TUBD1: variants seen among roughly 807,000 people sequenced by gnomAD.
The protein encoded by TUBD1 is tubulin delta 1.
A neutral mutation model predicts 51.2 loss-of-function variants in TUBD1; 38 were observed. The ratio of observed to expected loss-of-function variants is 0.74; its 90% CI spans 0.57 to 0.97. The LOEUF is 0.97. TUBD1 is among the 50% of genes least tolerant of loss of function. TUBD1 has a pLI of 0.00. For synonymous variants in TUBD1, 169 were observed against 178.2 expected (o/e 0.95, Z 0.41); for missense variants, 489 against 538.4 (o/e 0.91, Z 0.91).
intron 2 of TUBD1, among the ~76,000 whole-genome samples, chr17:59,889,139 G>A (rs575360295): frequency 3.6e-5 from 5 of 139,732 alleles, no homozygotes; most frequent in Non-Finnish European, 7.6e-5. Flanking sequence ...TCACCCTCCC[G>A]AATAACTGGG....
At chr17:59,886,334 A>G in intron 2 of TUBD1, 104 bp from the exon 3 acceptor site, 1 of 1,275,132 alleles carries the variant, frequency 7.8e-7, no homozygotes, top group South Asian at 1.6e-5. Context: ...AAAAAAAAAA[A>G]AAAATTCCAG....
At chr17:59,888,457 A>G (rs1038467991) in intron 2 of TUBD1, among the ~76,000 whole-genome samples, 6 of 152,208 alleles carry the variant, frequency 3.9e-5, no homozygotes, top group Admixed American at 6.6e-5. Context: ...CAAGAGCACA[A>G]GGAACAATAA....
chr17:59,883,242 C>A lies in TUBD1; in HGVS notation c.321-2132G>T, dbSNP rs185233651. 4.3e-3 allele frequency among the ~76,000 whole-genome samples: 650 copies of A among 151,590 alleles called. 6 individuals carry two copies. The highest frequency in any genetic ancestry group is 0.015 in the African/African-American group (622 of 41,342). On this transcript the variant is annotated intron_variant, in intron 3 of 8. Coordinates refer to ENST00000325752, the MANE Select transcript of TUBD1 (RefSeq NM_016261.4). ...TCCCAAGGAGCTAAGGCCACAGGCACAGGCCACCACACCCATCTAATTTTT... is the reference window on the plus strand; with the variant it reads ...TCCCAAGGAGCTAAGGCCACAGGCAAAGGCCACCACACCCATCTAATTTTT...
rs1251340232 is a variant in TUBD1 at position 59,859,896 on chromosome 17, A to C, written c.*426T>G. The C allele has an allele frequency of 6.6e-6, 1 of 152,228 alleles. No homozygotes were observed. Among genetic ancestry groups the C allele is most frequent in the Non-Finnish European group, 1.5e-5 (1 of 68,162 alleles). 9.4% of individuals were successfully genotyped at this position (152,228 alleles called of 1,614,324 possible). A position where few individuals can be genotyped will look rare whatever the true frequency, so the allele number is the denominator to read the frequency against. On this transcript the variant is annotated 3_prime_UTR_variant, in exon 9 of 9. Coordinates refer to ENST00000325752, the MANE Select transcript of TUBD1 (RefSeq NM_016261.4). ...AATGAAATACCAAGTGAATGTTTTC[A>C]TTGAAAACATGCGATTCTCCATTTT...
chr17:59,861,318 C>T (rs2039431242), intron 8 of TUBD1, among the ~76,000 whole-genome samples: 1 of 151,732 alleles, frequency 6.6e-6, no homozygotes, highest in Non-Finnish European at 1.5e-5. Context: ...TGTGCCTCAG[C>T]CTCCCAAGTA....
chr17:59,879,561 G>A (rs571995701), intron 4 of TUBD1, among the ~76,000 whole-genome samples: 19 of 151,862 alleles, frequency 1.3e-4, no homozygotes, highest in Middle Eastern at 3.4e-3. Flanking sequence ...TCAGCCTCCC[G>A]AGTAGCTGGG....
At chr17:59,887,282 G>A (rs2040780183) in intron 2 of TUBD1, among the ~76,000 whole-genome samples, 1 of 151,922 alleles carries the variant, frequency 6.6e-6, no homozygotes, top group Admixed American at 6.6e-5. Context: ...TGAGGCACGA[G>A]AATTGCTTGA....
rs1234311660 is a variant in TUBD1 at position 59,881,040 on chromosome 17, C to T, written c.391G>A (p.Asp131Asn). Residue 131 changes from aspartate to asparagine, a missense_variant, in exon 4 of 9, where the codon GAC (aspartate) becomes AAC (asparagine). Physicochemically the swap from Asp to Asn is conservative, Grantham distance 23. Transcript: ENST00000325752. ...ATGATGAAAAAACCACTGAAAGAGT[C>T]ACATTTCTCCACTTCCTTCCGGATT... ...NIIRKEVEKC[D>N]SFSGFFIIMS... 2 of 1,614,158 alleles carry T rather than the reference C, an allele frequency of 1.2e-6. No individual in the cohort carries two copies. The highest frequency in any genetic ancestry group is 1.7e-6 in the Non-Finnish European group (2 of 1,180,026).
chr17:59,888,884 G>T (rs1418310682), intron 2 of TUBD1, among the ~76,000 whole-genome samples: 3 of 151,560 alleles, frequency 2.0e-5, no homozygotes, highest in East Asian at 1.9e-4. Flanking sequence ...GCTAATTTTT[G>T]TATTTTTAGT....
chr17:59,877,172 T>G (rs2040264839), intron 5 of TUBD1, among the ~76,000 whole-genome samples: 1 of 152,192 alleles, frequency 6.6e-6, no homozygotes, highest in Non-Finnish European at 1.5e-5. Context: ...TTGACCATTC[T>G]TAAACCTCCT....
chr17:59,879,872 G>C (rs1239647665), intron 4 of TUBD1, among the ~76,000 whole-genome samples: 1 of 151,568 alleles, frequency 6.6e-6, no homozygotes, highest in Non-Finnish European at 1.5e-5. Flanking sequence ...TCCTGCCTCA[G>C]CCTCCAGGTA....
At chr17:59,884,086 T>G (rs971822682) in intron 3 of TUBD1, among the ~76,000 whole-genome samples, 15 of 149,990 alleles carry the variant, frequency 1.0e-4, no homozygotes, top group African/African-American at 3.7e-4. Flanking sequence ...CATAGGGAAA[T>G]CCAGTATCTA....
intron 6 of TUBD1, 24 bp downstream of exon 6, chr17:59,874,515 G>A: frequency 1.2e-6 from 2 of 1,603,440 alleles, no homozygotes; most frequent in South Asian, 1.1e-5. Context: ...CTTGTGGGCT[G>A]CATATTTTTG....
chr17:59,860,443 A>AC lies in TUBD1; in HGVS notation c.1260-20_1260-19insG. The AC allele has an allele frequency of 6.7e-7, 1 of 1,502,812 alleles. No homozygotes were observed. The highest frequency in any genetic ancestry group is 9.1e-7 in the Non-Finnish European group (1 of 1,100,528). 93.1% of individuals were successfully genotyped at this position (1,502,812 alleles called of 1,614,324 possible). On this transcript the variant is annotated intron_variant, in intron 8 of 8. Coordinates refer to ENST00000325752, the MANE Select transcript of TUBD1 (RefSeq NM_016261.4). ...GTAGGCTCTGGTAGAAAAAAAAAAA[A>AC]AACAGAAATTACAAAATAAAAAATG...
chr17:59,885,984 T>C, intron 3 of TUBD1, 99 bp downstream of exon 3: 4 of 1,304,732 alleles, frequency 3.1e-6, no homozygotes, highest in Non-Finnish European at 2.1e-6. Context: ...ATTTCAAGAT[T>C]ATGTGCTTGG....
intron 5 of TUBD1, among the ~76,000 whole-genome samples, chr17:59,875,976 G>A (rs749853429): frequency 1.3e-5 from 2 of 152,082 alleles, no homozygotes; most frequent in Non-Finnish European, 2.9e-5. Flanking sequence ...ATAACACTGA[G>A]TACAAACTCA....
In TUBD1 at chr17:59,859,801, C is replaced by G. The variant is rs1338190945; in HGVS notation, c.*521G>C. ...AATATTCTCTTTTCTTGGCTAGTTC[C>G]AGAGTCCCAACATTTCAGCAAAGTG... On this transcript the variant is annotated 3_prime_UTR_variant, in exon 9 of 9. Coordinates refer to ENST00000325752, the MANE Select transcript of TUBD1 (RefSeq NM_016261.4). 1 of 152,118 alleles carries G rather than the reference C, an allele frequency of 6.6e-6. No homozygotes were observed. Among genetic ancestry groups the G allele is most frequent in the Non-Finnish European group, 1.5e-5 (1 of 68,050 alleles). The allele number at this position is 152,118 out of a possible 1,614,324, so 9.4% of individuals were successfully genotyped here.
intron 2 of TUBD1, among the ~76,000 whole-genome samples, chr17:59,890,406 G>A (rs1038902902): frequency 1.3e-5 from 2 of 152,118 alleles, no homozygotes; most frequent in African/African-American, 4.8e-5. Flanking sequence ...ACCACGCCCA[G>A]CTAATTTTTG....
intron 6 of TUBD1, among the ~76,000 whole-genome samples, chr17:59,868,332 T>G (rs1345398409): frequency 6.7e-6 from 1 of 148,402 alleles, no homozygotes; most frequent in Non-Finnish European, 1.5e-5. Context: ...TGCTCCCTCC[T>G]GGATCACATA....
Sources: allele counts gnomAD v4.1 joint callset (sites outside exome capture counted in the v4.1 genomes callset), GRCh38; gene constraint gnomAD v4.1.1; transcripts MANE v1.5; gene names NCBI Gene and HGNC (gene_info 2026-07-23, HGNC 2026-07-21).